TMEM43: variants seen among roughly 807,000 people sequenced by gnomAD.
TMEM43 encodes arrhythmogenic right ventricular dysplasia 5.
In TMEM43, 45 loss-of-function variants were observed where a neutral mutation model predicts 49.6. That is an observed-to-expected ratio of 0.91 (90% CI 0.71 to 1.16). The LOEUF is 1.16. TMEM43 is among the 50% of genes most tolerant of loss of function. TMEM43 has a pLI of 0.00. For missense variants in TMEM43, 532 were observed against 516.6 expected, an observed-to-expected ratio of 1.03 and a Z score of -0.29; for synonymous variants, 199 against 207.8, an observed-to-expected ratio of 0.96 and a Z score of 0.36.
chr3:14,129,459 C>T lies in TMEM43; in HGVS notation c.60C>T (p.Ser20=), dbSNP rs766364454. Residue 20 remains serine, a synonymous_variant, in exon 2 of 12, where the codon AGC becomes AGT. Coordinates refer to ENST00000306077, the MANE Select transcript of TMEM43 (RefSeq NM_024334.3). ...GAGAACATGTCAAAGTTAAAACCAG[C>T]TCCCAGCCAGGCTTCCTGGAACGGC... ...TRREHVKVKT[S]SQPGFLERLS... 1 of 1,613,948 alleles carries T rather than the reference C, an allele frequency of 6.2e-7. No individual in the cohort carries two copies. The highest frequency in any genetic ancestry group is 1.3e-5 in the African/African-American group (1 of 74,876).
intron 8 of TMEM43, 108 bp from the exon 9 acceptor site, chr3:14,135,050 G>A: frequency 6.8e-7 from 1 of 1,478,916 alleles, no homozygotes; most frequent in Non-Finnish European, 9.3e-7. Context: ...CCTGGGCACG[G>A]GTGTGGAGGT....
At chr3:14,128,843 T>C (rs1449974556) in intron 1 of TMEM43, 1 of 423,800 alleles carries the variant, frequency 2.4e-6, no homozygotes, top group African/African-American at 2.1e-5. Flanking sequence ...ACAGCAGCAT[T>C]ATTCATAACA....
chr3:14,136,891 C>G lies in TMEM43; in HGVS notation c.882+983C>G, dbSNP rs573621640. Among the ~76,000 whole-genome samples, 4 of 149,284 alleles carry G rather than the reference C, an allele frequency of 2.7e-5. 1 individual carries two copies. The highest frequency in any genetic ancestry group is 1.0e-4 in the African/African-American group (4 of 39,762). ...TTCAGTTCTGTGCCTTAAAAGTTAG[C>G]CTGTCTTCTCTAGGCAGGCAATCCT... On this transcript the variant is annotated intron_variant, in intron 10 of 11. Coordinates refer to ENST00000306077, the MANE Select transcript of TMEM43 (RefSeq NM_024334.3).
At chr3:14,139,082 C>T (rs1220560069) in intron 10 of TMEM43, 98 bp from the exon 11 acceptor site, 4 of 881,182 alleles carry the variant, frequency 4.5e-6, no homozygotes, top group Non-Finnish European at 7.8e-6. Flanking sequence ...AAATGGCCAA[C>T]AGCTCCCGAG....
chr3:14,127,183 GTA>G (rs1559359437), intron 1 of TMEM43, among the ~76,000 whole-genome samples: 1 of 152,110 alleles, frequency 6.6e-6, no homozygotes, highest in Admixed American at 6.5e-5. Context: ...CATACTATAT[GTA>G]TATATAAATA....
At chr3:14,134,565 G>T (rs1695141272) in intron 7 of TMEM43, among the ~76,000 whole-genome samples, 1 of 152,226 alleles carries the variant, frequency 6.6e-6, no homozygotes, top group African/African-American at 2.4e-5. Context: ...GACTTGGTGG[G>T]AGAGGGCACA....
At position 14,135,705 on chromosome 3, in the gene TMEM43, C is replaced by T. The variant is rs867568550; in HGVS notation, c.781-102C>T. 32 of 949,588 alleles carry T rather than the reference C, an allele frequency of 3.4e-5. No homozygotes were observed. In the African/African-American group the frequency reaches 3.5e-4, roughly 11 times the overall value. The allele number at this position is 949,588 out of a possible 1,614,324, so 58.8% of individuals were successfully genotyped here. A position where few individuals can be genotyped will look rare whatever the true frequency, so the allele number is the denominator to read the frequency against. On this transcript the variant is annotated intron_variant, in intron 9 of 11. Coordinates refer to ENST00000306077, the MANE Select transcript of TMEM43 (RefSeq NM_024334.3). ...AGAAGCCCCAGGGTTTCTGTGCTCA[C>T]TTCCCCAGCCGGCACCCAGTCCCGG...
chr3:14,127,238 G>A (rs1403603945), intron 1 of TMEM43, among the ~76,000 whole-genome samples: 2 of 152,054 alleles, frequency 1.3e-5, no homozygotes, highest in African/African-American at 2.4e-5. Context: ...ATGTTTACTG[G>A]GAATTTTGGT....
At position 14,141,969 on chromosome 3, in the gene TMEM43, C is replaced by T. The variant is rs1695255224; in HGVS notation, c.*174C>T. The T allele has an allele frequency of 1.6e-6, 1 of 634,028 alleles. No homozygotes were observed. The highest frequency in any genetic ancestry group is 2.8e-5 in the East Asian group (1 of 36,358). 39.3% of individuals were successfully genotyped at this position (634,028 alleles called of 1,614,324 possible). On this transcript the variant is annotated 3_prime_UTR_variant, in exon 12 of 12. Coordinates refer to ENST00000306077, the MANE Select transcript of TMEM43 (RefSeq NM_024334.3). ...TGTGCACCAGGTTGGTGTTCACCAG[C>T]TCATGTCTTCCCCACATCTCTTCTT...
chr3:14,132,454 AG>A, intron 4 of TMEM43, 91 bp from the exon 5 acceptor site: 2 of 1,345,780 alleles, frequency 1.5e-6, no homozygotes, highest in Non-Finnish European at 2.1e-6. Context: ...CTGATCTGGT[AG>A]CCCTGAGGTT....
rs532291263 is a variant in TMEM43, at chr3:14,131,783, ACAT to A, written c.392+111_392+113del. ...TTGATACCTTTGAAACTCAAGTATA[ACAT>A]CTTCCTATCAGAAAAGTGTGAAATG... is the stretch of plus-strand genomic sequence containing the variant. On this transcript the variant is annotated intron_variant, in intron 4 of 11. Coordinates refer to ENST00000306077, the MANE Select transcript of TMEM43 (RefSeq NM_024334.3). The A allele has an allele frequency of 1.5e-4, 120 of 810,526 alleles. No individual in the cohort carries two copies. In the African/African-American group the frequency reaches 1.8e-3, roughly 12 times the overall value. 50.2% of individuals were successfully genotyped at this position (810,526 alleles called of 1,614,324 possible).
intron 6 of TMEM43, 103 bp downstream of exon 6, chr3:14,133,038 G>A (rs1033211861): frequency 1.3e-5 from 14 of 1,040,298 alleles, no homozygotes; most frequent in East Asian, 5.1e-5. Flanking sequence ...ATCCTGCCTC[G>A]TGGGTTGAAA....
At position 14,139,925 on chromosome 3, in the gene TMEM43, C is replaced by CT. The variant is rs373859474; in HGVS notation, c.1000+629dup. Among the ~76,000 whole-genome samples the CT allele has an allele frequency of 2.4e-3, 361 of 152,272 alleles. 1 individual carries two copies. Among genetic ancestry groups the CT allele is most frequent in the African/African-American group, 8.2e-3 (339 of 41,546 alleles). On this transcript the variant is annotated intron_variant, in intron 11 of 11. Transcript: ENST00000306077. ...TTCGGGATCTGAGTGCCCAGGGTGA[C>CT]TAAGTGCGTTCTGGGCCCAGGAGGA...
At chr3:14,134,692 AG>A in intron 7 of TMEM43, 77 bp from the exon 8 acceptor site, 1 of 1,598,852 alleles carries the variant, frequency 6.3e-7, no homozygotes, top group Non-Finnish European at 8.6e-7. Context: ...GTGCAGTGGA[AG>A]GGGGTCAGGC....
At position 14,141,954 on chromosome 3, in the gene TMEM43, G is replaced by C; in HGVS notation, c.*159G>C. ...CCAGACTTGGCAGCATGTGCACCAGGTTGGTGTTCACCAGCTCATGTCTTC... is the reference window on the plus strand; with the variant it reads ...CCAGACTTGGCAGCATGTGCACCAGCTTGGTGTTCACCAGCTCATGTCTTC... On this transcript the variant is annotated 3_prime_UTR_variant, in exon 12 of 12. Coordinates refer to ENST00000306077, the MANE Select transcript of TMEM43 (RefSeq NM_024334.3). 5 of 700,220 alleles carry C rather than the reference G, an allele frequency of 7.1e-6. No homozygotes were observed. In the South Asian group the frequency reaches 9.4e-5, roughly 13 times the overall value. 43.4% of individuals were successfully genotyped at this position (700,220 alleles called of 1,614,324 possible). A position where few individuals can be genotyped will look rare whatever the true frequency, so the allele number is the denominator to read the frequency against.
intron 11 of TMEM43, among the ~76,000 whole-genome samples, chr3:14,140,251 A>G (rs2124996124): frequency 6.6e-6 from 1 of 152,300 alleles, no homozygotes; most frequent in Non-Finnish European, 1.5e-5. Context: ...AGAGATGAGC[A>G]TTTAAACGGA....
At chr3:14,135,258 A>C (rs777408022) in intron 9 of TMEM43, 26 bp downstream of exon 9, 5 of 1,595,346 alleles carry the variant, frequency 3.1e-6, no homozygotes, top group Non-Finnish European at 8.6e-7. Context: ...AGGGGCAGAC[A>C]CTAAGTCAGA....
rs63750743 is a variant in TMEM43 at position 14,141,665 on chromosome 3, C to T, written c.1073C>T (p.Ser358Leu). 1.2e-6 allele frequency: 2 copies of T among 1,614,230 alleles called. No homozygotes were observed. Among genetic ancestry groups the T allele is most frequent in the Admixed American group, 1.7e-5 (1 of 60,036 alleles). Reference protein sequence around the residue: ...LKAFAFCVATSLTLLTVAAGW... With the variant: ...LKAFAFCVATLLTLLTVAAGW... ...GCCTTTGCCTTCTGTGTGGCCACCT[C>T]GCTGACCCTGCTGACCGTGGCGGCT... Residue 358 changes from serine to leucine, a missense_variant, in exon 12 of 12, where the codon TCG (serine) becomes TTG (leucine). Physicochemically the swap from Ser to Leu is moderately radical, Grantham distance 145 (BLOSUM62 -2). Transcript: ENST00000306077.
intron 9 of TMEM43, 117 bp from the exon 10 acceptor site, chr3:14,135,690 G>A (rs1695159205): frequency 2.6e-6 from 2 of 763,124 alleles, no homozygotes; most frequent in Admixed American, 4.1e-5. Flanking sequence ...AGAAGCCCCA[G>A]GGTTTCTGTG....
Sources: gnomAD v4.1 joint callset for allele counts (sites outside exome capture counted in the v4.1 genomes callset) on GRCh38, gnomAD v4.1.1 for gene constraint, MANE v1.5 for transcripts, NCBI Gene and HGNC (gene_info 2026-07-23, HGNC 2026-07-21) for gene names.